RAB3C: variants seen among roughly 807,000 people sequenced by gnomAD.
RAB3C encodes the protein ras-related protein Rab-3C.
In RAB3C, 17 loss-of-function variants were observed where a neutral mutation model predicts 26.4. The observed-to-expected ratio is 0.64, with a 90% CI of 0.44 to 0.97. RAB3C has a LOEUF of 0.97. Ranked by LOEUF, RAB3C falls within the 50% of genes least tolerant of loss-of-function variation. The pLI is 0.00. For missense variants in RAB3C, 242 were observed against 281.9 expected (o/e 0.86, Z 1.01); for synonymous variants, 91 against 95.9 (o/e 0.95, Z 0.30).
chr5:58,822,278 T>C (rs1431381803), intron 3 of RAB3C, among the ~76,000 whole-genome samples: 1 of 152,252 alleles, frequency 6.6e-6, no homozygotes, highest in Non-Finnish European at 1.5e-5. Context: ...ACTCCCACAT[T>C]TGCCACTTTA....
At chr5:58,771,391 C>T (rs1742028621) in intron 3 of RAB3C, among the ~76,000 whole-genome samples, 1 of 152,004 alleles carries the variant, frequency 6.6e-6, no homozygotes, top group Non-Finnish European at 1.5e-5. Flanking sequence ...CCTCTTTAAA[C>T]TCTTAGTTAA....
At chr5:58,767,025 A>C (rs1330124264) in intron 3 of RAB3C, among the ~76,000 whole-genome samples, 1 of 149,272 alleles carries the variant, frequency 6.7e-6, no homozygotes, top group Non-Finnish European at 1.5e-5. Flanking sequence ...AGCGGGGGGG[A>C]CTCAGACAGG....
At chr5:58,736,761 T>C (rs1475196576) in intron 3 of RAB3C, among the ~76,000 whole-genome samples, 1 of 152,176 alleles carries the variant, frequency 6.6e-6, no homozygotes, top group Non-Finnish European at 1.5e-5. Flanking sequence ...AAGGTCACGT[T>C]CACCGGTCCT....
At chr5:58,797,376 T>G (rs1271914405) in intron 3 of RAB3C, among the ~76,000 whole-genome samples, 2 of 120,522 alleles carry the variant, frequency 1.7e-5, no homozygotes, top group African/African-American at 6.8e-5. Flanking sequence ...ATAATATATA[T>G]ATATATATAT....
chr5:58,794,251 CTT>C (rs1742594338), intron 3 of RAB3C: 1 of 139,946 alleles, frequency 7.1e-6, no homozygotes, highest in East Asian at 2.1e-4. Context: ...CCATTTTTTT[CTT>C]TTTCTTTTCT....
At position 58,617,691 on chromosome 5, in the gene RAB3C, C is replaced by G. The variant is rs758565230; in HGVS notation, c.73C>G (p.Gln25Glu). 2 of 1,613,884 alleles carry G rather than the reference C, an allele frequency of 1.2e-6. No individual in the cohort carries two copies. The highest frequency in any genetic ancestry group is 1.3e-5 in the African/African-American group (1 of 74,908). ...GTACGGCCAGAAAGACTCCTCTGAT[C>G]AGAACTTTGACTACATGTTCAAATT... ...ARYGQKDSSD[Q>E]NFDYMFKLLI... The change falls in exon 2 of 5, where the codon CAG becomes GAG. Residue 25 changes from glutamine (Q) to glutamate (E), a missense_variant. By Grantham distance (29) the Gln-to-Glu change is conservative. Coordinates refer to ENST00000282878, the MANE Select transcript of RAB3C (RefSeq NM_138453.4).
At chr5:58,647,194 C>T (rs1001241603) in intron 2 of RAB3C, among the ~76,000 whole-genome samples, 2 of 152,182 alleles carry the variant, frequency 1.3e-5, no homozygotes, top group Non-Finnish European at 2.9e-5. Flanking sequence ...TGTATTAGTC[C>T]GTTCTCAGAC....
At chr5:58,825,406 A>T (rs1287984136) in intron 4 of RAB3C, among the ~76,000 whole-genome samples, 1 of 152,152 alleles carries the variant, frequency 6.6e-6, no homozygotes, top group East Asian at 1.9e-4. Flanking sequence ...AGTACAAGGT[A>T]TTTAAATTCT....
Position 58,845,612 on chromosome 5 carries a change from A to ATATATATATATATATGTGTGTG in RAB3C, c.497-5551_497-5550insATATATATATATATGTGTGTGT. Among the ~76,000 whole-genome samples, 386 of 81,548 alleles carry ATATATATATATATATGTGTGTG rather than the reference A, an allele frequency of 4.7e-3. 6 individuals carry two copies. The highest frequency in any genetic ancestry group is 0.01 in the Middle Eastern group (1 of 98). The allele number at this position is 81,548 out of a possible 152,430, so 53.5% of individuals were successfully genotyped here. On this transcript the variant is annotated intron_variant, in intron 4 of 4. Coordinates refer to ENST00000282878, the MANE Select transcript of RAB3C (RefSeq NM_138453.4). ...ATTCTTACTATATATATATATATAT[A>ATATATATATATATATGTGTGTG]TGTGTGTGTGTGTGTGTGTATATGT...
chr5:58,754,707 G>A (rs866067575), intron 3 of RAB3C, among the ~76,000 whole-genome samples: 2 of 152,080 alleles, frequency 1.3e-5, no homozygotes, highest in African/African-American at 2.4e-5. Flanking sequence ...TATATCGTGC[G>A]CAATCTCTTC....
intron 3 of RAB3C, among the ~76,000 whole-genome samples, chr5:58,730,883 A>G (rs1157343136): frequency 6.6e-6 from 1 of 152,170 alleles, no homozygotes; most frequent in Non-Finnish European, 1.5e-5. Flanking sequence ...ACAGTTCCAC[A>G]TGGCCAGGGA....
intron 2 of RAB3C, among the ~76,000 whole-genome samples, chr5:58,700,970 TTTTA>T (rs150630099): frequency 0.055 from 8,106 of 148,298 alleles, 606 homozygotes; most frequent in African/African-American, 0.17. Context: ...CTTAAAAATC[TTTTA>T]TTTATTTATT....
intron 2 of RAB3C, among the ~76,000 whole-genome samples, chr5:58,711,104 C>T (rs1042036666): frequency 6.6e-6 from 1 of 152,170 alleles, no homozygotes; most frequent in African/African-American, 2.4e-5. Flanking sequence ...TTGCGTATTT[C>T]ATCTTTGCAT....
chr5:58,615,699 G>A (rs757702273), intron 1 of RAB3C, among the ~76,000 whole-genome samples: 41 of 152,122 alleles, frequency 2.7e-4, no homozygotes, highest in Non-Finnish European at 4.7e-4. Flanking sequence ...GGAAGCGTTT[G>A]TTATAGGTTT....
intron 3 of RAB3C, among the ~76,000 whole-genome samples, chr5:58,755,308 T>A (rs930556484): frequency 2.6e-5 from 4 of 152,280 alleles, no homozygotes; most frequent in African/African-American, 9.6e-5. Flanking sequence ...CTTAATTGTC[T>A]ACTTGCAATT....
intron 2 of RAB3C, among the ~76,000 whole-genome samples, chr5:58,692,269 A>T (rs1209146513): frequency 1.3e-5 from 2 of 152,176 alleles, no homozygotes; most frequent in Non-Finnish European, 2.9e-5. Flanking sequence ...AAACGTTTCG[A>T]TAATGCATTT....
chr5:58,630,964 T>C (rs1279814313), intron 2 of RAB3C, among the ~76,000 whole-genome samples: 2 of 152,124 alleles, frequency 1.3e-5, no homozygotes, highest in Non-Finnish European at 2.9e-5. Flanking sequence ...CTTCTGACAA[T>C]AGGTGGCTTC....
intron 3 of RAB3C, among the ~76,000 whole-genome samples, chr5:58,735,334 A>G (rs1424718707): frequency 1.3e-5 from 2 of 152,228 alleles, no homozygotes; most frequent in African/African-American, 2.4e-5. Flanking sequence ...GCAACTATCC[A>G]TGAAAGCATC....
chr5:58,597,238 A>G (rs111217644), intron 1 of RAB3C, among the ~76,000 whole-genome samples: 1 of 6,978 alleles, frequency 1.4e-4, no homozygotes, highest in Non-Finnish European at 2.1e-4. Flanking sequence ...ATACTACACA[A>G]TATATTATAT....
Sources: gnomAD v4.1 joint callset for allele counts (sites outside exome capture counted in the v4.1 genomes callset) on GRCh38, gnomAD v4.1.1 for gene constraint, MANE v1.5 for transcripts, NCBI Gene and HGNC (gene_info 2026-07-23, HGNC 2026-07-21) for gene names.